DCC: variants seen among roughly 807,000 people sequenced by gnomAD.
DCC encodes netrin receptor DCC.
Under a neutral mutation model 172.5 loss-of-function variants are expected in DCC, and 58 were observed. That is an observed-to-expected ratio of 0.34 (90% CI 0.27 to 0.42). The LOEUF (loss-of-function observed/expected upper bound fraction) is 0.42, where lower values mean the gene tolerates loss of function less well. Among genes scored for constraint, DCC ranks in the 10% least tolerant of loss-of-function variants. The pLI, the probability that DCC is intolerant of heterozygous loss-of-function variation, is 1.00. For missense variants in DCC, 1,740 were observed against 1,791.0 expected, an observed-to-expected ratio of 0.97 and a Z score of 0.51; for synonymous variants, 709 against 644.5, an observed-to-expected ratio of 1.10 and a Z score of -1.52.
intron 2 of DCC, among the ~76,000 whole-genome samples, chr18:52,882,268 T>C (rs969531194): frequency 6.7e-6 from 1 of 149,462 alleles, no homozygotes; most frequent in Non-Finnish European, 1.5e-5. Context: ...CTTTCTTTTT[T>C]AGTTCTTTAT....
Position 53,278,003 on chromosome 18 carries a change from A to G in DCC, c.1912-27575A>G, listed in dbSNP as rs193072163. On this transcript the variant is annotated intron_variant, in intron 12 of 28. Transcript: ENST00000442544. ...TTCTTTTATGTTAGGTATTCTGTTCACACACAGATAATTGGGATTGCAACA... is the reference window on the plus strand; with the variant it reads ...TTCTTTTATGTTAGGTATTCTGTTCGCACACAGATAATTGGGATTGCAACA... Among the ~76,000 whole-genome samples, 71 of 152,280 alleles carry G rather than the reference A, an allele frequency of 4.7e-4. No individual in the cohort carries two copies. The East Asian group carries it at 0.011, about 24-fold the overall frequency.
chr18:52,946,997 A>ACTCAC (rs67899579), intron 5 of DCC, among the ~76,000 whole-genome samples: 36,274 of 151,838 alleles, frequency 0.24, 4,526 homozygotes, highest in Admixed American at 0.31. Context: ...TGGCTCACCT[A>ACTCAC]CTCACCTCAC....
intron 2 of DCC, among the ~76,000 whole-genome samples, chr18:52,894,454 T>C (rs1279232372): frequency 1.3e-5 from 2 of 150,064 alleles, no homozygotes; most frequent in Non-Finnish European, 3.0e-5. Context: ...ATTTATATTA[T>C]TTTTATATAT....
At chr18:53,007,129 T>C (rs2041658492) in intron 5 of DCC, among the ~76,000 whole-genome samples, 1 of 152,066 alleles carries the variant, frequency 6.6e-6, no homozygotes. Context: ...TACTCCAAGC[T>C]TTATACATAG....
chr18:53,095,256 A>C (rs2144195991), intron 7 of DCC, among the ~76,000 whole-genome samples: 1 of 152,316 alleles, frequency 6.6e-6, no homozygotes, highest in South Asian at 2.1e-4. Context: ...AGTCTGAAGG[A>C]GGTGAGCACA....
intron 13 of DCC, among the ~76,000 whole-genome samples, chr18:53,318,931 A>C (rs2057375063): frequency 6.6e-6 from 1 of 152,190 alleles, no homozygotes; most frequent in Admixed American, 6.5e-5. Context: ...AAACACTGCA[A>C]GTCCGATAAT....
chr18:52,762,829 A>G (rs1395688321), intron 2 of DCC, among the ~76,000 whole-genome samples: 1 of 152,198 alleles, frequency 6.6e-6, no homozygotes, highest in East Asian at 1.9e-4. Context: ...ACTTAAAAAA[A>G]AGATGGTCAT....
chr18:52,818,936 T>C (rs2038353833), intron 2 of DCC, among the ~76,000 whole-genome samples: 2 of 152,214 alleles, frequency 1.3e-5, no homozygotes, highest in South Asian at 2.1e-4. Flanking sequence ...TCTTAATTTT[T>C]TGTATTTTTC....
intron 1 of DCC, among the ~76,000 whole-genome samples, chr18:52,351,288 G>A (rs1192512740): frequency 1.3e-5 from 2 of 152,054 alleles, no homozygotes; most frequent in African/African-American, 4.8e-5. Context: ...GAAGACTTTG[G>A]GATTCTCTCT....
rs114869182 is a variant in DCC at position 52,838,818 on chromosome 18, C to T, written c.413-67226C>T. On this transcript the variant is annotated intron_variant, in intron 2 of 28. Transcript: ENST00000442544. ...CATAGGAGTTCATAAAATGGAAACA[C>T]GAACTAAAATAGTTTACCAACACTT... 2.4e-3 allele frequency among the ~76,000 whole-genome samples: 365 copies of T among 152,076 alleles called. 2 individuals carry two copies. The highest frequency in any genetic ancestry group is 8.3e-3 in the African/African-American group (345 of 41,476).
chr18:53,461,259 T>C (rs1383536085), intron 24 of DCC, among the ~76,000 whole-genome samples: 2 of 151,204 alleles, frequency 1.3e-5, no homozygotes, highest in East Asian at 3.9e-4. Flanking sequence ...GTAGTTTCTT[T>C]TGCTGTGCAG....
At chr18:52,736,253 T>C (rs2036725634) in intron 1 of DCC, among the ~76,000 whole-genome samples, 1 of 149,580 alleles carries the variant, frequency 6.7e-6, no homozygotes, top group Admixed American at 6.7e-5. Flanking sequence ...GAGGCTGTTA[T>C]CAATCACTCT....
chr18:52,632,258 A>G (rs2034691423), intron 1 of DCC, among the ~76,000 whole-genome samples: 1 of 152,210 alleles, frequency 6.6e-6, no homozygotes, highest in African/African-American at 2.4e-5. Flanking sequence ...TTCTTCAACT[A>G]CAGCGTAAGT....
intron 2 of DCC, among the ~76,000 whole-genome samples, chr18:52,780,898 G>T (rs550448526): frequency 6.6e-6 from 1 of 152,236 alleles, no homozygotes; most frequent in East Asian, 1.9e-4. Context: ...CTTAGGTGGT[G>T]AAAAGATTGG....
At chr18:52,535,747 C>T (rs1145272) in intron 1 of DCC, among the ~76,000 whole-genome samples, 152,315 of 152,316 alleles carry the variant, frequency 1, 76,157 homozygotes, top group Non-Finnish European at 1. Flanking sequence ...TCTGAGAAAA[C>T]TGATGCATGG....
At chr18:52,893,439 A>T (rs1033415397) in intron 2 of DCC, among the ~76,000 whole-genome samples, 8 of 152,188 alleles carry the variant, frequency 5.3e-5, no homozygotes, top group Admixed American at 1.3e-4. Flanking sequence ...CAGATAGAAG[A>T]TCATTTAATC....
chr18:53,120,310 G>T (rs141756365), intron 7 of DCC, among the ~76,000 whole-genome samples: 4 of 151,528 alleles, frequency 2.6e-5, no homozygotes, highest in Admixed American at 1.3e-4. Context: ...ATAGAATTGC[G>T]TTTTAAATTT....
At chr18:52,431,894 G>A (rs140456940) in intron 1 of DCC, among the ~76,000 whole-genome samples, 8 of 152,142 alleles carry the variant, frequency 5.3e-5, no homozygotes, top group East Asian at 1.9e-4. Context: ...CATCCATCTC[G>A]CCTGATGATC....
intron 1 of DCC, among the ~76,000 whole-genome samples, chr18:52,700,363 A>C (rs1039269156): frequency 2.3e-4 from 34 of 148,394 alleles, no homozygotes; most frequent in African/African-American, 8.3e-4. Context: ...ACATGCACAC[A>C]CACACATGCA....
Sources: gnomAD v4.1 joint callset for allele counts (sites outside exome capture counted in the v4.1 genomes callset) on GRCh38, gnomAD v4.1.1 for gene constraint, MANE v1.5 for transcripts, NCBI Gene and HGNC (gene_info 2026-07-23, HGNC 2026-07-21) for gene names.